TMTC1: variants seen among roughly 807,000 people sequenced by gnomAD.
The protein encoded by TMTC1 is protein O-mannosyl-transferase TMTC1.
Under a neutral mutation model 104.8 loss-of-function variants are expected in TMTC1, and 73 were observed. That is an observed-to-expected ratio of 0.70 (90% CI 0.58 to 0.85). The LOEUF (loss-of-function observed/expected upper bound fraction) is 0.85, where lower values mean the gene tolerates loss of function less well. Ranked by LOEUF, TMTC1 falls within the 40% of genes least tolerant of loss-of-function variation. The probability of loss-of-function intolerance (pLI) is 0.00; values close to 1 mark genes in which losing one functional copy is unlikely to be tolerated. For missense variants in TMTC1, 1,035 were observed against 1,096.1 expected (o/e 0.94, Z 0.79); for synonymous variants, 434 against 428.7 (o/e 1.01, Z -0.15).
intron 6 of TMTC1, among the ~76,000 whole-genome samples, chr12:29,621,397 C>T (rs1364157375): frequency 6.6e-6 from 1 of 152,132 alleles, no homozygotes; most frequent in Non-Finnish European, 1.5e-5. Flanking sequence ...TATGGTAGTA[C>T]AATGTTGTAC....
intron 10 of TMTC1, among the ~76,000 whole-genome samples, chr12:29,550,740 G>A (rs564042562): frequency 2.0e-5 from 3 of 152,048 alleles, no homozygotes; most frequent in Non-Finnish European, 4.4e-5. Flanking sequence ...GCTGAAGAGC[G>A]CAGCATAGTT....
At chr12:29,650,944 T>C (rs1939491059) in intron 5 of TMTC1, among the ~76,000 whole-genome samples, 1 of 152,246 alleles carries the variant, frequency 6.6e-6, no homozygotes, top group African/African-American at 2.4e-5. Context: ...TCAACATTTC[T>C]TGTTGTTGTT....
Position 29,520,649 on chromosome 12 carries a change from G to A in TMTC1, c.1857C>T (p.His619=). 6.2e-7 allele frequency: 1 copy of A among 1,613,588 alleles called. No homozygotes were observed. The highest frequency in any genetic ancestry group is 8.5e-7 in the Non-Finnish European group (1 of 1,179,848). The change falls in exon 12 of 18, where the codon CAC becomes CAT. Residue 619 remains histidine (H), a synonymous_variant. Coordinates refer to ENST00000539277, the MANE Select transcript of TMTC1 (RefSeq NM_001193451.2). ...IKNCPDSSDL[H]NNYGVFLVDT... ...CAACTAAGAAAACCCCATAGTTGTTGTGTAAATCTGAGCTGTCTGGACAGT... is the reference window on the plus strand; with the variant it reads ...CAACTAAGAAAACCCCATAGTTGTTATGTAAATCTGAGCTGTCTGGACAGT...
chr12:29,630,962 T>G (rs1370000446), intron 6 of TMTC1, among the ~76,000 whole-genome samples: 1 of 152,220 alleles, frequency 6.6e-6, no homozygotes, highest in Non-Finnish European at 1.5e-5. Context: ...AGTGAGAGTA[T>G]AATGGTATCT....
intron 5 of TMTC1, among the ~76,000 whole-genome samples, chr12:29,675,124 G>C (rs1014458478): frequency 6.6e-6 from 1 of 152,030 alleles, no homozygotes; most frequent in Admixed American, 6.6e-5. Context: ...TGCAGATTCA[G>C]CATGGTACTT....
intron 15 of TMTC1, among the ~76,000 whole-genome samples, chr12:29,515,753 C>CAT (rs1555162684): frequency 7.2e-6 from 1 of 138,452 alleles, no homozygotes; most frequent in African/African-American, 2.7e-5. Flanking sequence ...AGGGCAGTGA[C>CAT]TTTTTTTTTT....
intron 5 of TMTC1, among the ~76,000 whole-genome samples, chr12:29,638,418 C>T (rs1938666732): frequency 6.6e-6 from 1 of 152,068 alleles, no homozygotes; most frequent in Admixed American, 6.5e-5. Context: ...CTTCTGGATC[C>T]CCATCCAACT....
At position 29,548,656 on chromosome 12, in the gene TMTC1, C is replaced by A. The variant is rs959075229; in HGVS notation, c.1676+8201G>T. Among the ~76,000 whole-genome samples, 8 of 151,876 alleles carry A rather than the reference C, an allele frequency of 5.3e-5. No homozygotes were observed. In the South Asian group the frequency reaches 1.0e-3, roughly 20 times the overall value. The stretch of plus-strand genomic sequence containing the variant: ...ATGTGAAACTGTGAATCCATTAAAC[C>A]TCTTTTTCTTCATAAATTACCCAGT... On this transcript the variant is annotated intron_variant, in intron 10 of 17. Coordinates refer to ENST00000539277, the MANE Select transcript of TMTC1 (RefSeq NM_001193451.2).
At chr12:29,543,905 C>T (rs958552916) in intron 10 of TMTC1, among the ~76,000 whole-genome samples, 1 of 152,152 alleles carries the variant, frequency 6.6e-6, no homozygotes, top group Non-Finnish European at 1.5e-5. Context: ...CCACGTGGAA[C>T]TGTGTGGAGG....
intron 5 of TMTC1, among the ~76,000 whole-genome samples, chr12:29,698,616 C>T (rs1405058073): frequency 6.6e-6 from 1 of 152,194 alleles, no homozygotes; most frequent in Non-Finnish European, 1.5e-5. Flanking sequence ...TTGTTCTTCA[C>T]CTGCCCCAGT....
At chr12:29,587,564 G>A (rs1186221180) in intron 7 of TMTC1, among the ~76,000 whole-genome samples, 2 of 151,960 alleles carry the variant, frequency 1.3e-5, no homozygotes, top group Non-Finnish European at 1.5e-5. Context: ...GAACTCTTGG[G>A]CTAAAGATCC....
chr12:29,528,972 C>T (rs567611265), intron 11 of TMTC1, among the ~76,000 whole-genome samples: 1 of 152,226 alleles, frequency 6.6e-6, no homozygotes, highest in African/African-American at 2.4e-5. Context: ...TCTTTAATGT[C>T]TGACTTCAGA....
intron 8 of TMTC1, among the ~76,000 whole-genome samples, 175 bp from the exon 9 acceptor site, chr12:29,572,393 T>C (rs765214444): frequency 3.3e-5 from 5 of 152,198 alleles, no homozygotes; most frequent in Non-Finnish European, 7.3e-5. Context: ...TTACTAAACG[T>C]TGCTTTCTAT....
In TMTC1 at chr12:29,604,272, C is replaced by T. The variant is rs910785203; in HGVS notation, c.1156G>A (p.Gly386Ser). 6.8e-6 allele frequency: 11 copies of T among 1,613,788 alleles called. No individual in the cohort carries two copies. The East Asian group carries it at 8.9e-5, about 13-fold the overall frequency. ...KRLEHKEVLV[G>S]LLFLVFPFIP... ...AACGGGAACACCAGGAACAACAAGC[C>T]GACTAAAACCTCCTTGTGCTCCAGT... is the stretch of plus-strand genomic sequence containing the variant. The change falls in exon 7 of 18, where the codon GGC becomes AGC. Residue 386 changes from glycine (G) to serine (S), a missense_variant. Gly to Ser is a moderately conservative substitution (Grantham distance 56). Coordinates refer to ENST00000539277, the MANE Select transcript of TMTC1 (RefSeq NM_001193451.2).
intron 1 of TMTC1, among the ~76,000 whole-genome samples, chr12:29,768,913 A>G (rs1205381362): frequency 2.6e-5 from 4 of 152,174 alleles, no homozygotes; most frequent in Non-Finnish European, 2.9e-5. Context: ...AATACACCCA[A>G]TTGATTCTGT....
intron 5 of TMTC1, among the ~76,000 whole-genome samples, chr12:29,674,208 C>G (rs1321757774): frequency 6.6e-6 from 1 of 152,124 alleles, no homozygotes; most frequent in East Asian, 1.9e-4. Flanking sequence ...CAGTTATAAG[C>G]TAGGAGACTA....
intron 5 of TMTC1, among the ~76,000 whole-genome samples, chr12:29,716,234 C>T (rs1247867386): frequency 6.6e-6 from 1 of 151,958 alleles, no homozygotes; most frequent in African/African-American, 2.4e-5. Context: ...GTTTCCCAGG[C>T]TGGTCTTGAA....
At chr12:29,600,534 C>G (rs956891556) in intron 7 of TMTC1, among the ~76,000 whole-genome samples, 5 of 152,160 alleles carry the variant, frequency 3.3e-5, no homozygotes, top group Non-Finnish European at 5.9e-5. Flanking sequence ...GAACATAGCT[C>G]CCTTGCAGTT....
At chr12:29,600,801 A>G (rs1361367599) in intron 7 of TMTC1, among the ~76,000 whole-genome samples, 1 of 152,154 alleles carries the variant, frequency 6.6e-6, no homozygotes, top group Admixed American at 6.5e-5. Flanking sequence ...CGGAGGGGGA[A>G]AGTAGCCTGG....
Sources: gnomAD v4.1 joint callset for allele counts (sites outside exome capture counted in the v4.1 genomes callset) on GRCh38, gnomAD v4.1.1 for gene constraint, MANE v1.5 for transcripts, NCBI Gene and HGNC (gene_info 2026-07-23, HGNC 2026-07-21) for gene names.